Variants in HPSE2 observed in about 807,000 individuals in gnomAD.
The protein encoded by HPSE2 is inactive heparanase-2.
A neutral mutation model predicts 60.5 loss-of-function variants in HPSE2; 38 were observed. That is an observed-to-expected ratio of 0.63 (90% CI 0.48 to 0.82). The LOEUF (loss-of-function observed/expected upper bound fraction) is 0.82, where lower values mean the gene tolerates loss of function less well. HPSE2 is among the 40% of genes least tolerant of loss of function. The pLI, the probability that HPSE2 is intolerant of heterozygous loss-of-function variation, is 0.00. For missense variants in HPSE2, 713 were observed against 740.4 expected (o/e 0.96, Z 0.43); for synonymous variants, 295 against 293.2 (o/e 1.01, Z -0.06).
At chr10:99,135,923 AC>A (rs1459879552) in intron 3 of HPSE2, among the ~76,000 whole-genome samples, 2 of 151,998 alleles carry the variant, frequency 1.3e-5, no homozygotes, top group Non-Finnish European at 2.9e-5. Context: ...GACATGAAAA[AC>A]CCTTCAAAAA....
intron 3 of HPSE2, among the ~76,000 whole-genome samples, chr10:98,905,122 C>A (rs1337398321): frequency 6.6e-6 from 1 of 151,830 alleles, no homozygotes; most frequent in African/African-American, 2.4e-5. Flanking sequence ...TTGTATTTAT[C>A]CCTATATACT....
intron 3 of HPSE2, among the ~76,000 whole-genome samples, chr10:99,019,006 T>C (rs764611699): frequency 1.2e-4 from 18 of 152,212 alleles, no homozygotes; most frequent in Non-Finnish European, 2.5e-4. Context: ...ACTCAACATA[T>C]GCAAAAGCTT....
chr10:99,265,545 A>G, the HPSE2 span, among the ~76,000 whole-genome samples: 1 of 152,240 alleles, frequency 6.6e-6, no homozygotes, highest in Non-Finnish European at 1.5e-5. Context: ...ACGTTTACCT[A>G]TGTAGCAAAC....
At chr10:98,827,939 C>T (rs1457069828) in intron 3 of HPSE2, among the ~76,000 whole-genome samples, 1 of 152,148 alleles carries the variant, frequency 6.6e-6, no homozygotes, top group African/African-American at 2.4e-5. Flanking sequence ...AAGCAGATTA[C>T]TCTCCATAAT....
At chr10:98,957,326 T>C (rs1049131106) in intron 3 of HPSE2, among the ~76,000 whole-genome samples, 1 of 152,198 alleles carries the variant, frequency 6.6e-6, no homozygotes, top group Non-Finnish European at 1.5e-5. Context: ...TGTTTCTTTC[T>C]GAGAAACTGG....
intron 5 of HPSE2, among the ~76,000 whole-genome samples, chr10:98,704,507 A>G (rs189057788): frequency 1.8e-4 from 28 of 152,302 alleles, no homozygotes; most frequent in African/African-American, 6.7e-4. Flanking sequence ...CTGACTTCAA[A>G]CTATACTACA....
chr10:98,577,041 A>C (rs1438861578), intron 9 of HPSE2, among the ~76,000 whole-genome samples: 1 of 151,766 alleles, frequency 6.6e-6, no homozygotes, highest in African/African-American at 2.4e-5. Flanking sequence ...TCTCCTGATG[A>C]AGTTATATTC....
intron 1 of HPSE2, 71 bp from the exon 2 acceptor site, chr10:99,232,576 G>A: frequency 1.3e-6 from 2 of 1,497,764 alleles, no homozygotes; most frequent in South Asian, 2.4e-5. Context: ...ACGGAGAAGG[G>A]CCCTCTTCCT....
At chr10:99,307,890 C>G in the HPSE2 span, among the ~76,000 whole-genome samples, 1 of 147,470 alleles carries the variant, frequency 6.8e-6, no homozygotes, top group African/African-American at 2.6e-5. Flanking sequence ...TGGGAAGAAA[C>G]AAAAACCTGA....
chr10:99,302,260 G>A, the HPSE2 span, among the ~76,000 whole-genome samples: 1 of 152,022 alleles, frequency 6.6e-6, no homozygotes, highest in Non-Finnish European at 1.5e-5. Flanking sequence ...TCTAAATATG[G>A]GTTTCTGGTG....
At chr10:98,804,018 T>C (rs1428253644) in intron 3 of HPSE2, among the ~76,000 whole-genome samples, 1 of 151,996 alleles carries the variant, frequency 6.6e-6, no homozygotes, top group Non-Finnish European at 1.5e-5. Flanking sequence ...TTTGTAGTTC[T>C]CCTTGAAGAG....
chr10:98,914,581 TTGA>T (rs1954066825), intron 3 of HPSE2, among the ~76,000 whole-genome samples: 1 of 148,354 alleles, frequency 6.7e-6, no homozygotes, highest in South Asian at 2.2e-4. Flanking sequence ...ACTTGGTAAC[TTGA>T]TGTAACATCA....
chr10:98,691,926 C>T (rs944371310), intron 6 of HPSE2, among the ~76,000 whole-genome samples: 5 of 152,016 alleles, frequency 3.3e-5, no homozygotes. Flanking sequence ...GTTATTTTTT[C>T]CACATAGTAA....
the HPSE2 span, among the ~76,000 whole-genome samples, chr10:99,269,373 T>C: frequency 6.6e-6 from 1 of 152,130 alleles, no homozygotes; most frequent in Non-Finnish European, 1.5e-5. Context: ...CATTATATAA[T>C]GATAAAAATA....
At chr10:98,898,315 T>C (rs968994504) in intron 3 of HPSE2, among the ~76,000 whole-genome samples, 3 of 152,046 alleles carry the variant, frequency 2.0e-5, no homozygotes, top group African/African-American at 7.2e-5. Flanking sequence ...TTGCCCCAAA[T>C]TGGAAGTAAC....
chr10:98,684,777 T>C (rs1353899946), intron 6 of HPSE2, among the ~76,000 whole-genome samples: 1 of 151,932 alleles, frequency 6.6e-6, no homozygotes, highest in Non-Finnish European at 1.5e-5. Flanking sequence ...TGGGCACTGA[T>C]GATTTTAAAA....
intron 2 of HPSE2, among the ~76,000 whole-genome samples, chr10:99,218,601 G>A (rs1226472135): frequency 1.3e-5 from 2 of 152,072 alleles, no homozygotes; most frequent in Admixed American, 6.6e-5. Context: ...AGAAACAAAA[G>A]ACCTCAGTCA....
At chr10:98,616,313 T>A (rs1055850865) in intron 8 of HPSE2, among the ~76,000 whole-genome samples, 3 of 152,180 alleles carry the variant, frequency 2.0e-5, no homozygotes, top group African/African-American at 7.2e-5. Context: ...AGACACAATG[T>A]CTGAACTTGT....
intron 2 of HPSE2, among the ~76,000 whole-genome samples, chr10:99,164,227 TTATATATATATATATATATATA>T (rs60497589): frequency 0.02 from 676 of 34,044 alleles, 15 homozygotes; most frequent in African/African-American, 0.038. Flanking sequence ...TATTCAAGCA[TTATATATATATATATATATATA>T]TATATATATA....
Sources: allele counts gnomAD v4.1 joint callset (sites outside exome capture counted in the v4.1 genomes callset), GRCh38; gene constraint gnomAD v4.1.1; transcripts MANE v1.5; gene names NCBI Gene and HGNC (gene_info 2026-07-23, HGNC 2026-07-21).